Variants in CYTH1 observed in about 807,000 individuals in gnomAD.
The protein encoded by CYTH1 is cytohesin-1.
CYTH1 carries 18 observed loss-of-function variants against 61.8 expected under a neutral mutation model. The ratio of observed to expected loss-of-function variants is 0.29; its 90% CI spans 0.20 to 0.43. CYTH1 has a LOEUF of 0.43. Ranked by LOEUF, CYTH1 falls within the 20% of genes least tolerant of loss-of-function variation. The pLI is 1.00. For synonymous variants in CYTH1, 174 were observed against 184.3 expected, an observed-to-expected ratio of 0.94 and a Z score of 0.45; for missense variants, 336 against 510.5, an observed-to-expected ratio of 0.66 and a Z score of 3.29.
chr17:78,674,542 C>T lies in CYTH1; in HGVS notation c.*1549G>A, dbSNP rs941732796. 6.6e-6 allele frequency: 1 copy of T among 152,296 alleles called. No individual in the cohort carries two copies. Among genetic ancestry groups the T allele is most frequent in the African/African-American group, 2.4e-5 (1 of 41,472 alleles). 9.4% of individuals were successfully genotyped at this position (152,296 alleles called of 1,614,324 possible). A position where few individuals can be genotyped will look rare whatever the true frequency, so the allele number is the denominator to read the frequency against. On this transcript the variant is annotated 3_prime_UTR_variant, in exon 14 of 14. Coordinates refer to ENST00000446868, the MANE Select transcript of CYTH1 (RefSeq NM_004762.6). ...GGGGAGGGAGGTGACAGACTGTCCCCCTCTATTCCTCCCACCACTCCTCTG... is the reference window on the plus strand; with the variant it reads ...GGGGAGGGAGGTGACAGACTGTCCCTCTCTATTCCTCCCACCACTCCTCTG...
At chr17:78,778,581 T>C (rs945547457) in intron 1 of CYTH1, among the ~76,000 whole-genome samples, 10 of 130,408 alleles carry the variant, frequency 7.7e-5, no homozygotes, top group African/African-American at 3.0e-4. Context: ...GAGGTTGCAG[T>C]GAACCAAGAT....
At chr17:78,720,182 T>A (rs1365787233) in intron 1 of CYTH1, among the ~76,000 whole-genome samples, 1 of 152,128 alleles carries the variant, frequency 6.6e-6, no homozygotes, top group Non-Finnish European at 1.5e-5. Flanking sequence ...CACAATAATA[T>A]GAACGTATGA....
chr17:78,685,908 G>A (rs1474693507), intron 11 of CYTH1, among the ~76,000 whole-genome samples: 1 of 152,176 alleles, frequency 6.6e-6, no homozygotes, highest in Non-Finnish European at 1.5e-5. Context: ...GAGATGATCT[G>A]CTTTTTCCAA....
intron 10 of CYTH1, among the ~76,000 whole-genome samples, chr17:78,692,766 G>A (rs1199018658): frequency 6.6e-6 from 1 of 151,968 alleles, no homozygotes; most frequent in East Asian, 1.9e-4. Flanking sequence ...GGTTTGTGGC[G>A]AGAAAACCCG....
chr17:78,771,350 G>C (rs575448000), intron 1 of CYTH1, among the ~76,000 whole-genome samples: 1 of 152,186 alleles, frequency 6.6e-6, no homozygotes, highest in African/African-American at 2.4e-5. Context: ...TGAAGCATGA[G>C]AAATGCCTGA....
At chr17:78,698,506 C>T (rs2092971061) in intron 8 of CYTH1, 126 bp from the exon 9 acceptor site, 1 of 769,262 alleles carries the variant, frequency 1.3e-6, no homozygotes, top group Non-Finnish European at 2.1e-6. Context: ...GATGCTGAGA[C>T]TAGAAGATTA....
chr17:78,756,250 A>G (rs985703653), intron 1 of CYTH1, among the ~76,000 whole-genome samples: 1 of 151,512 alleles, frequency 6.6e-6, no homozygotes, highest in East Asian at 1.9e-4. Context: ...TAATTTTTGT[A>G]TTTTTAGTAG....
intron 1 of CYTH1, among the ~76,000 whole-genome samples, chr17:78,731,108 T>C: frequency 6.6e-6 from 1 of 152,216 alleles, no homozygotes; most frequent in Admixed American, 6.5e-5. Flanking sequence ...ACGCATCACA[T>C]AGTCAGGAGA....
At chr17:78,754,383 G>T (rs1332335025) in intron 1 of CYTH1, among the ~76,000 whole-genome samples, 2 of 151,392 alleles carry the variant, frequency 1.3e-5, no homozygotes, top group African/African-American at 4.9e-5. Context: ...TCACTGTGTT[G>T]CCCAGGCTGG....
At position 78,756,632 on chromosome 17, in the gene CYTH1, C is replaced by A. The variant is rs376296417; in HGVS notation, c.22+25570G>T. ...AAAAAACAAAAAAGAATTTAAAAATCTGTCTATTCAGAACTAAATCATTAT... is the reference window on the plus strand; with the variant it reads ...AAAAAACAAAAAAGAATTTAAAAATATGTCTATTCAGAACTAAATCATTAT... On this transcript the variant is annotated intron_variant, in intron 1 of 13. Transcript: ENST00000446868. Among the ~76,000 whole-genome samples, 66 of 152,258 alleles carry A rather than the reference C, an allele frequency of 4.3e-4. No individual in the cohort carries two copies. In the Middle Eastern group the frequency reaches 0.014, roughly 31 times the overall value.
rs544865221 is a variant in CYTH1 at position 78,770,711 on chromosome 17, T to C, written c.22+11491A>G. ...GTGAGCCACAGAGCCCGACTGAAAA[T>C]AGGTTTTTTTAATAGCCTTAGCCAA... On this transcript the variant is annotated intron_variant, in intron 1 of 13. Coordinates refer to ENST00000446868, the MANE Select transcript of CYTH1 (RefSeq NM_004762.6). Among the ~76,000 whole-genome samples, 12 of 152,180 alleles carry C rather than the reference T, an allele frequency of 7.9e-5. 1 individual carries two copies. The highest frequency in any genetic ancestry group is 2.4e-4 in the African/African-American group (10 of 41,522).
chr17:78,756,268 G>T (rs917106946), intron 1 of CYTH1, among the ~76,000 whole-genome samples: 5 of 151,600 alleles, frequency 3.3e-5, no homozygotes, highest in Admixed American at 2.6e-4. Context: ...TAGAGACAGG[G>T]TTTCACCATG....
intron 1 of CYTH1, among the ~76,000 whole-genome samples, chr17:78,710,409 T>C (rs1196243616): frequency 2.0e-5 from 3 of 152,176 alleles, no homozygotes; most frequent in Non-Finnish European, 4.4e-5. Context: ...AATTCCCAGA[T>C]CACAGCTCTC....
rs773109854 is a variant in CYTH1, at chr17:78,700,434, C to A, written c.447G>T (p.Leu149=). The change falls in exon 7 of 14, where the codon CTG becomes CTT. Residue 149 remains leucine (L), a synonymous_variant. Coordinates refer to ENST00000446868, the MANE Select transcript of CYTH1 (RefSeq NM_004762.6). The surrounding 1 kb of genome is among the most constrained non-coding windows in gnomAD (Gnocchi z 5.1). ...CCTCTCCGGGTAGCCGGAAGCTCCA[C>A]AGGAACTGCCTGAGTGGGTAAAGAC... ...LNLVQALRQF[L]WSFRLPGEAQ... is the part of the protein sequence containing the mutation. 4.3e-6 allele frequency: 7 copies of A among 1,612,440 alleles called. No homozygotes were observed. The highest frequency in any genetic ancestry group is 1.1e-5 in the South Asian group (1 of 90,652).
At chr17:78,685,867 A>G (rs145120717) in intron 11 of CYTH1, among the ~76,000 whole-genome samples, 17 of 152,332 alleles carry the variant, frequency 1.1e-4, no homozygotes, top group African/African-American at 4.1e-4. Flanking sequence ...GCAGACCTTG[A>G]TACTTTAATT....
At chr17:78,692,861 G>A (rs1043788743) in intron 10 of CYTH1, among the ~76,000 whole-genome samples, 4 of 152,200 alleles carry the variant, frequency 2.6e-5, no homozygotes, top group Admixed American at 6.5e-5. Flanking sequence ...GAAAAAGAGG[G>A]AAGGGTCAGC....
At chr17:78,732,696 T>C (rs1335090042) in intron 1 of CYTH1, among the ~76,000 whole-genome samples, 10 of 152,162 alleles carry the variant, frequency 6.6e-5, no homozygotes, top group Non-Finnish European at 1.0e-4. Flanking sequence ...TAGGGGGATA[T>C]GAATTGATAG....
chr17:78,756,069 A>ATTTT (rs1344114216), intron 1 of CYTH1, among the ~76,000 whole-genome samples: 1 of 137,850 alleles, frequency 7.3e-6, no homozygotes, highest in East Asian at 2.3e-4. Flanking sequence ...TTATTTATTT[A>ATTTT]TTTATTTTTA....
chr17:78,704,340 C>A (rs554788388), intron 3 of CYTH1, among the ~76,000 whole-genome samples: 2 of 152,248 alleles, frequency 1.3e-5, no homozygotes, highest in South Asian at 4.1e-4. Context: ...TTCTGGTATG[C>A]ACCCAAATTT....
Sources: gnomAD v4.1 joint callset for allele counts (sites outside exome capture counted in the v4.1 genomes callset) on GRCh38, gnomAD v4.1.1 for gene constraint, Gnocchi (gnomAD v3.1) non-coding constraint, MANE v1.5 for transcripts, NCBI Gene and HGNC (gene_info 2026-07-23, HGNC 2026-07-21) for gene names.